The following FSD1L variants were observed in gnomAD, a reference collection of about 807,000 sequenced individuals.
FSD1L encodes the protein fibronectin type III and SPRY domain containing 1 like.
In FSD1L, 45 loss-of-function variants were observed where a neutral mutation model predicts 71.6. The ratio of observed to expected loss-of-function variants is 0.63; its 90% CI spans 0.49 to 0.81. The LOEUF (loss-of-function observed/expected upper bound fraction) is 0.81. Among genes scored for constraint, FSD1L ranks in the 30% least tolerant of loss-of-function variants. FSD1L has a pLI of 0.00. For synonymous variants in FSD1L, 197 were observed against 207.2 expected (o/e 0.95, Z 0.42); for missense variants, 561 against 618.1 (o/e 0.91, Z 0.98).
At chr9:105,529,706 C>T (rs1255031107) in intron 10 of FSD1L, among the ~76,000 whole-genome samples, 2 of 151,700 alleles carry the variant, frequency 1.3e-5, no homozygotes, top group African/African-American at 4.8e-5. Context: ...CACCATGACA[C>T]ATGTATACCT....
At chr9:105,544,658 T>C (rs1836857481) in intron 13 of FSD1L, among the ~76,000 whole-genome samples, 1 of 152,226 alleles carries the variant, frequency 6.6e-6, no homozygotes, top group Non-Finnish European at 1.5e-5. Context: ...TAGCCAGTTT[T>C]CCCAGCACCA....
intron 12 of FSD1L, 114 bp downstream of exon 12, chr9:105,535,432 C>A: frequency 9.0e-7 from 1 of 1,115,900 alleles, no homozygotes. Context: ...ACATTTTGAT[C>A]AGGTAGGCTT....
At chr9:105,494,682 G>A (rs891468448) in intron 7 of FSD1L, among the ~76,000 whole-genome samples, 3 of 152,076 alleles carry the variant, frequency 2.0e-5, no homozygotes, top group Admixed American at 6.6e-5. Context: ...GGTTTTTGGC[G>A]TGGATGTCCT....
chr9:105,506,007 A>C (rs1394010909), intron 7 of FSD1L, among the ~76,000 whole-genome samples: 1 of 152,238 alleles, frequency 6.6e-6, no homozygotes, highest in Non-Finnish European at 1.5e-5. Flanking sequence ...AAAATCCTTA[A>C]GTATTTTGCA....
At chr9:105,496,951 G>A (rs1486032715) in intron 7 of FSD1L, among the ~76,000 whole-genome samples, 1 of 152,154 alleles carries the variant, frequency 6.6e-6, no homozygotes, top group African/African-American at 2.4e-5. Flanking sequence ...TGAACTTAGT[G>A]GAAACATTTT....
chr9:105,501,116 G>A (rs115220996), intron 7 of FSD1L, among the ~76,000 whole-genome samples: 80 of 152,298 alleles, frequency 5.3e-4, no homozygotes, highest in African/African-American at 1.8e-3. Context: ...AAGAGTCTTA[G>A]TGTTGGACTT....
At chr9:105,462,019 A>G (rs544246559) in intron 2 of FSD1L, among the ~76,000 whole-genome samples, 13 of 152,156 alleles carry the variant, frequency 8.5e-5, no homozygotes, top group Non-Finnish European at 1.8e-4. Flanking sequence ...AGTTGGGGCA[A>G]TAAGTTACAG....
intron 1 of FSD1L, among the ~76,000 whole-genome samples, chr9:105,460,766 G>T (rs1213605288): frequency 1.3e-5 from 2 of 152,070 alleles, no homozygotes; most frequent in Non-Finnish European, 2.9e-5. Context: ...CAACTTTGAC[G>T]TGGACATTTG....
chr9:105,525,401 A>G, intron 10 of FSD1L: 1 of 1,605,894 alleles, frequency 6.2e-7, no homozygotes, highest in Non-Finnish European at 8.5e-7. Flanking sequence ...GAAAAACAAG[A>G]AAGTGATGTT....
At chr9:105,484,297 ATT>A in intron 6 of FSD1L, 82 bp from the exon 7 acceptor site, 1 of 1,024,150 alleles carries the variant, frequency 9.8e-7, no homozygotes, top group South Asian at 2.5e-5. Flanking sequence ...TAGTGATATA[ATT>A]TGTCTTTTCA....
At chr9:105,510,618 A>C (rs10820811) in intron 9 of FSD1L, among the ~76,000 whole-genome samples, 19,585 of 152,162 alleles carry the variant, frequency 0.13, 1,681 homozygotes, top group East Asian at 0.49. Context: ...GAAAATAGTG[A>C]ACATTGTTTA....
intron 10 of FSD1L, among the ~76,000 whole-genome samples, chr9:105,519,634 A>T (rs2131408637): frequency 6.6e-6 from 1 of 152,368 alleles, no homozygotes; most frequent in East Asian, 1.9e-4. Context: ...TAAACTAGGT[A>T]TCGATGGAAT....
At chr9:105,534,931 G>A in intron 11 of FSD1L, 136 bp from the exon 12 acceptor site, 1 of 776,786 alleles carries the variant, frequency 1.3e-6, no homozygotes, top group Non-Finnish European at 2.1e-6. Context: ...TAATGTCTGT[G>A]TGTTAACATG....
Position 105,546,469 on chromosome 9 carries a change from G to C in FSD1L, c.1579G>C (p.Val527Leu), listed in dbSNP as rs1156330733. 6.5e-7 allele frequency: 1 copy of C among 1,547,616 alleles called. No individual in the cohort carries two copies. The highest frequency in any genetic ancestry group is 1.4e-5 in the African/African-American group (1 of 72,790). The change falls in exon 14 of 14, where the codon GTT becomes CTT. Residue 527 changes from valine (V) to leucine (L), a missense_variant. Transcript: ENST00000481272. ...TGGTTCAGCTAGCAGCCTGAACAAT[G>C]TTGTTACTCAATAGTGTCTACTCAG... ...MTGSASSLNN[V>L]VTQ
the FSD1L span, among the ~76,000 whole-genome samples, chr9:105,442,250 G>A: frequency 3.3e-5 from 5 of 152,324 alleles, no homozygotes; most frequent in African/African-American, 4.8e-5. Flanking sequence ...GACCACATGG[G>A]AGTGACGGTG....
At chr9:105,487,917 G>A (rs2131727112) in intron 7 of FSD1L, among the ~76,000 whole-genome samples, 1 of 152,240 alleles carries the variant, frequency 6.6e-6, no homozygotes, top group South Asian at 2.1e-4. Context: ...TGAATGAAAG[G>A]TATGGAGATT....
chr9:105,466,653 A>G (rs1831095649), intron 3 of FSD1L, among the ~76,000 whole-genome samples: 2 of 151,826 alleles, frequency 1.3e-5, no homozygotes, highest in East Asian at 1.9e-4. Flanking sequence ...AGATCGCACT[A>G]CTGCACTCCA....
chr9:105,449,365 T>A (rs1484929022), intron 1 of FSD1L, among the ~76,000 whole-genome samples: 1 of 152,222 alleles, frequency 6.6e-6, no homozygotes, highest in Non-Finnish European at 1.5e-5. Flanking sequence ...TTTTTAAAAA[T>A]TAGATTTTGT....
In FSD1L at chr9:105,548,171, A is replaced by G. The variant is rs977623902; in HGVS notation, c.*1688A>G. ...GCAGTTTAGAGAATGAAGTAAACCA[A>G]TAGATACTCTTTTGATTCTCCAAAG... On this transcript the variant is annotated 3_prime_UTR_variant, in exon 14 of 14. Transcript: ENST00000481272. The G allele has an allele frequency of 6.6e-6, 1 of 152,130 alleles. No homozygotes were observed. The highest frequency in any genetic ancestry group is 1.5e-5 in the Non-Finnish European group (1 of 67,984). The allele number at this position is 152,130 out of a possible 1,614,324, so 9.4% of individuals were successfully genotyped here.
Sources: gnomAD v4.1 joint callset for allele counts (sites outside exome capture counted in the v4.1 genomes callset) on GRCh38, gnomAD v4.1.1 for gene constraint, MANE v1.5 for transcripts, NCBI Gene and HGNC (gene_info 2026-07-23, HGNC 2026-07-21) for gene names.